Variants in SLC25A28 observed in about 807,000 individuals in gnomAD.
SLC25A28 encodes mitoferrin-2.
Under a neutral mutation model 31.9 loss-of-function variants are expected in SLC25A28, and 10 were observed. The ratio of observed to expected loss-of-function variants is 0.31; its 90% CI spans 0.19 to 0.53. The LOEUF (loss-of-function observed/expected upper bound fraction) is 0.53. Ranked by LOEUF, SLC25A28 falls within the 20% of genes least tolerant of loss-of-function variation. The pLI, the probability that SLC25A28 is intolerant of heterozygous loss-of-function variation, is 0.95. For missense variants in SLC25A28, 256 were observed against 490.3 expected (o/e 0.52, Z 4.51); for synonymous variants, 208 against 203.6 (o/e 1.02, Z -0.19).
the SLC25A28 span, among the ~76,000 whole-genome samples, chr10:99,655,175 G>C: frequency 4.6e-5 from 7 of 152,226 alleles, no homozygotes; most frequent in African/African-American, 1.4e-4. Context: ...TCTTATCGGA[G>C]TATGGCGGTG....
At chr10:99,633,318 C>T in the SLC25A28 span, among the ~76,000 whole-genome samples, 1 of 152,178 alleles carries the variant, frequency 6.6e-6, no homozygotes, top group Non-Finnish European at 1.5e-5. Flanking sequence ...TTCTTCATTG[C>T]CTTCTTTTAA....
rs1418699146 is a variant in SLC25A28, at chr10:99,611,572, CAAT to C, written c.578-209_578-207del. On this transcript the variant is annotated intron_variant, in intron 3 of 3. Coordinates refer to ENST00000370495, the MANE Select transcript of SLC25A28 (RefSeq NM_031212.4). The surrounding 1 kb of genome is among the most constrained non-coding windows in gnomAD (Gnocchi z 5.5). ...AGAGGGTTGGTAACGAGTCAAAAAACAATAAACCCACTTCCATCAGGACTTCTG... is the reference window on the plus strand; with the variant it reads ...AGAGGGTTGGTAACGAGTCAAAAAACAAACCCACTTCCATCAGGACTTCTG... Among the ~76,000 whole-genome samples, 1 of 152,096 alleles carries C rather than the reference CAAT, an allele frequency of 6.6e-6. No homozygotes were observed. The highest frequency in any genetic ancestry group is 1.5e-5 in the Non-Finnish European group (1 of 68,004).
intron 1 of SLC25A28, chr10:99,619,456 T>C: frequency 1.0e-6 from 1 of 971,248 alleles, no homozygotes; most frequent in Non-Finnish European, 1.2e-6. Context: ...AACCTATTCC[T>C]GAATACGATC....
intron 1 of SLC25A28, chr10:99,615,904 A>G: frequency 1.0e-6 from 1 of 985,416 alleles, no homozygotes; most frequent in Non-Finnish European, 1.2e-6. Flanking sequence ...TTGGCTTCGG[A>G]GGCCTGGAAC....
chr10:99,651,311 G>A, the SLC25A28 span, among the ~76,000 whole-genome samples: 3 of 152,146 alleles, frequency 2.0e-5, no homozygotes, highest in African/African-American at 7.2e-5. Context: ...TTGCTCTAAT[G>A]ACTAATGATT....
chr10:99,642,443 C>A, the SLC25A28 span, among the ~76,000 whole-genome samples: 1 of 152,118 alleles, frequency 6.6e-6, no homozygotes, highest in African/African-American at 2.4e-5. Flanking sequence ...GCTGAAGTTG[C>A]TTATCAGCTT....
At chr10:99,655,160 G>A in the SLC25A28 span, among the ~76,000 whole-genome samples, 205 of 152,270 alleles carry the variant, frequency 1.3e-3, 1 homozygote, top group African/African-American at 4.8e-3. Flanking sequence ...GGATTAAAAT[G>A]TAGATCTTAT....
At chr10:99,617,728 C>T (rs1177140464) in intron 1 of SLC25A28, 1 of 985,334 alleles carries the variant, frequency 1.0e-6, no homozygotes, top group Non-Finnish European at 1.2e-6. Context: ...CTAAAATAAG[C>T]TTTCGTATTG....
the SLC25A28 span, among the ~76,000 whole-genome samples, chr10:99,626,642 C>G: frequency 6.6e-6 from 1 of 152,182 alleles, no homozygotes; most frequent in Admixed American, 6.5e-5. Context: ...GCAAAGCCTT[C>G]AATCAAGATA....
chr10:99,613,476 G>A lies in SLC25A28; in HGVS notation c.520+220C>T. On this transcript the variant is annotated intron_variant, in intron 2 of 3. Transcript: ENST00000370495. The surrounding 1 kb of genome is among the most constrained non-coding windows in gnomAD (Gnocchi z 4.9). The stretch of plus-strand genomic sequence containing the variant: ...GAACAAGTCAAGCTGGTAGGTAAGG[G>A]AGGATACTGTAACCCTTTGTTGAGG... The A allele has an allele frequency of 2.1e-6, 3 of 1,418,884 alleles. No individual in the cohort carries two copies. The highest frequency in any genetic ancestry group is 2.8e-6 in the Non-Finnish European group (3 of 1,090,142). 87.9% of individuals were successfully genotyped at this position (1,418,884 alleles called of 1,614,324 possible).
chr10:99,622,546 CA>C (rs2034816545), upstream of SLC25A28: 1 of 589,950 alleles, frequency 1.7e-6, no homozygotes, highest in Non-Finnish European at 2.1e-6. Context: ...CTCTTTTATT[CA>C]TTGGTCATAA....
At chr10:99,618,048 A>T (rs2034699360) in intron 1 of SLC25A28, among the ~76,000 whole-genome samples, 1 of 152,210 alleles carries the variant, frequency 6.6e-6, no homozygotes, top group African/African-American at 2.4e-5. Context: ...GCCAAGCAGT[A>T]TTACCCATTT....
At chr10:99,642,120 T>C in the SLC25A28 span, among the ~76,000 whole-genome samples, 3 of 152,108 alleles carry the variant, frequency 2.0e-5, no homozygotes, top group Admixed American at 6.5e-5. Context: ...GTTGGTAGCT[T>C]GATGGGGATG....
chr10:99,654,120 C>T, the SLC25A28 span, among the ~76,000 whole-genome samples: 2 of 152,038 alleles, frequency 1.3e-5, no homozygotes, highest in Non-Finnish European at 2.9e-5. Flanking sequence ...ATTCTGAGAA[C>T]TTTAAATATG....
chr10:99,612,420 G>T (rs1214150395), intron 3 of SLC25A28, 123 bp downstream of exon 3: 5 of 1,080,548 alleles, frequency 4.6e-6, no homozygotes, highest in Non-Finnish European at 6.8e-6. Context: ...CATGGAGGGA[G>T]CACCCTCTAG....
At chr10:99,640,023 A>G in the SLC25A28 span, among the ~76,000 whole-genome samples, 1 of 152,206 alleles carries the variant, frequency 6.6e-6, no homozygotes, top group Non-Finnish European at 1.5e-5. Flanking sequence ...GAAACTTGAA[A>G]TCTCTGGTGA....
Position 99,620,134 on chromosome 10 carries a change from C to T in SLC25A28, c.202G>A (p.Ala68Thr). ...ATGTGCGTGGTGACAGTGGCTCCAG[C>T]CGGCAGCGCCTCGTAGTCCGGGCCG... ...DSGPDYEALP[A>T]GATVTTHMVA... The change falls in exon 1 of 4, where the codon GCT (alanine) becomes ACT (threonine). Residue 68 changes from alanine to threonine, a missense_variant. Physicochemically the swap from Ala to Thr is moderately conservative, Grantham distance 58 (BLOSUM62 0). Coordinates refer to ENST00000370495, the MANE Select transcript of SLC25A28 (RefSeq NM_031212.4). The T allele has an allele frequency of 1.3e-6, 2 of 1,579,436 alleles. No homozygotes were observed. The highest frequency in any genetic ancestry group is 1.7e-6 in the Non-Finnish European group (2 of 1,170,674).
chr10:99,656,414 A>C, the SLC25A28 span, among the ~76,000 whole-genome samples: 1 of 152,208 alleles, frequency 6.6e-6, no homozygotes, highest in African/African-American at 2.4e-5. Flanking sequence ...GCTCTGGTGA[A>C]TCACAGGGTA....
chr10:99,642,307 G>A, the SLC25A28 span, among the ~76,000 whole-genome samples: 1 of 151,986 alleles, frequency 6.6e-6, no homozygotes, highest in East Asian at 1.9e-4. Context: ...GGATTCCTAG[G>A]TATTTTATTC....
Sources: allele counts gnomAD v4.1 joint callset (sites outside exome capture counted in the v4.1 genomes callset), GRCh38; gene constraint gnomAD v4.1.1; non-coding constraint Gnocchi (gnomAD v3.1); transcripts MANE v1.5; gene names NCBI Gene and HGNC (gene_info 2026-07-23, HGNC 2026-07-21).